KLHL1: variants seen among roughly 807,000 people sequenced by gnomAD.
KLHL1 encodes the protein kelch like family member 1, also known as kelch-like protein 1.
In KLHL1, 47 loss-of-function variants were observed where a neutral mutation model predicts 77.7. The ratio of observed to expected loss-of-function variants is 0.60; its 90% CI spans 0.48 to 0.77. KLHL1 has a LOEUF of 0.77. Among genes scored for constraint, KLHL1 ranks in the 30% least tolerant of loss-of-function variants. KLHL1 has a pLI of 0.00. For synonymous variants in KLHL1, 360 were observed against 325.2 expected (o/e 1.11, Z -1.15); for missense variants, 925 against 910.8 (o/e 1.02, Z -0.20).
At chr13:69,889,780 G>T (rs1424771927) in intron 4 of KLHL1, among the ~76,000 whole-genome samples, 1 of 151,944 alleles carries the variant, frequency 6.6e-6, no homozygotes, top group Non-Finnish European at 1.5e-5. Flanking sequence ...CCATGATAAT[G>T]CATTCTTATC....
chr13:70,087,792 C>T (rs1887582759), intron 1 of KLHL1, among the ~76,000 whole-genome samples: 1 of 152,200 alleles, frequency 6.6e-6, no homozygotes, highest in South Asian at 2.1e-4. Context: ...GTGGGAACTA[C>T]AGGACAAAAG....
intron 5 of KLHL1, among the ~76,000 whole-genome samples, chr13:69,881,961 T>C (rs1303304715): frequency 6.6e-6 from 1 of 152,164 alleles, no homozygotes; most frequent in Admixed American, 6.5e-5. Context: ...GCTTTTTACA[T>C]ATATATTATC....
intron 1 of KLHL1, among the ~76,000 whole-genome samples, chr13:70,047,138 C>G (rs903914854): frequency 1.3e-5 from 2 of 151,890 alleles, no homozygotes; most frequent in Non-Finnish European, 2.9e-5. Context: ...AATACAGGAA[C>G]AGGCTTAGGG....
chr13:69,936,582 G>A (rs372330805), intron 4 of KLHL1, among the ~76,000 whole-genome samples: 2 of 118,962 alleles, frequency 1.7e-5, no homozygotes, highest in South Asian at 2.6e-4. Context: ...GACAGAACGA[G>A]ACTCCATCTC....
intron 1 of KLHL1, among the ~76,000 whole-genome samples, chr13:70,082,266 T>C (rs1799016435): frequency 6.7e-6 from 1 of 150,192 alleles, no homozygotes; most frequent in African/African-American, 2.5e-5. Context: ...TGGAATAATA[T>C]AGTCACTCTA....
intron 4 of KLHL1, among the ~76,000 whole-genome samples, chr13:69,892,824 G>C (rs927770372): frequency 1.3e-5 from 2 of 152,134 alleles, no homozygotes; most frequent in Non-Finnish European, 2.9e-5. Context: ...CTATTTTGTA[G>C]TAAAAGACAA....
At position 70,064,767 on chromosome 13, in the gene KLHL1, C is replaced by T. The variant is rs12584420; in HGVS notation, c.497+42436G>A. Among the ~76,000 whole-genome samples the T allele has an allele frequency of 5.2e-3, 794 of 152,228 alleles. 29 individuals are homozygous for T. In the East Asian group the frequency reaches 0.083, roughly 16 times the overall value. ...ATGTGCCACAGATTTGGCTGGCGAT[C>T]CACGACTAAGGACTAAAGCAGGGTG... is the stretch of plus-strand genomic sequence containing the variant. On this transcript the variant is annotated intron_variant, in intron 1 of 10. Coordinates refer to ENST00000377844, the MANE Select transcript of KLHL1 (RefSeq NM_020866.3).
intron 4 of KLHL1, among the ~76,000 whole-genome samples, chr13:69,901,053 T>A (rs983858076): frequency 6.6e-6 from 1 of 152,224 alleles, no homozygotes; most frequent in Non-Finnish European, 1.5e-5. Context: ...ATCTAATTAT[T>A]ACCATAAACA....
intron 1 of KLHL1, among the ~76,000 whole-genome samples, chr13:70,005,011 G>A (rs149176551): frequency 1.7e-4 from 26 of 151,646 alleles, no homozygotes; most frequent in Non-Finnish European, 2.2e-4. Context: ...TAATTGTAAC[G>A]TAAGTCCTAG....
At chr13:69,981,157 G>C (rs1884691908) in intron 1 of KLHL1, among the ~76,000 whole-genome samples, 1 of 152,078 alleles carries the variant, frequency 6.6e-6, no homozygotes, top group Non-Finnish European at 1.5e-5. Context: ...TAAAATAACT[G>C]CTGTAACCAG....
chr13:70,059,048 A>T (rs1886813453), intron 1 of KLHL1, among the ~76,000 whole-genome samples: 1 of 152,194 alleles, frequency 6.6e-6, no homozygotes, highest in Non-Finnish European at 1.5e-5. Context: ...CTCACCATAT[A>T]TTAAAATAAA....
At chr13:70,034,353 C>G (rs943630740) in intron 1 of KLHL1, among the ~76,000 whole-genome samples, 1 of 152,106 alleles carries the variant, frequency 6.6e-6, no homozygotes, top group Non-Finnish European at 1.5e-5. Flanking sequence ...TTCCCTATTC[C>G]AAACTAGATT....
chr13:69,877,667 T>G (rs181459806), intron 5 of KLHL1, among the ~76,000 whole-genome samples: 1 of 152,132 alleles, frequency 6.6e-6, no homozygotes, highest in Admixed American at 6.5e-5. Flanking sequence ...TCATTTTCCC[T>G]TTTTCTCTGG....
chr13:69,942,345 T>C (rs1047050928), intron 3 of KLHL1, among the ~76,000 whole-genome samples: 5 of 152,018 alleles, frequency 3.3e-5, no homozygotes, highest in Admixed American at 1.3e-4. Context: ...AAATGTAATT[T>C]TATCTAACTC....
chr13:69,883,700 C>A (rs1881089556), intron 4 of KLHL1, among the ~76,000 whole-genome samples: 1 of 152,224 alleles, frequency 6.6e-6, no homozygotes, highest in South Asian at 2.1e-4. Context: ...AATTGATAAT[C>A]TCTGTAGAGA....
chr13:69,910,188 TA>T (rs1328634366), intron 4 of KLHL1, among the ~76,000 whole-genome samples: 1 of 152,026 alleles, frequency 6.6e-6, no homozygotes, highest in African/African-American at 2.4e-5. Context: ...ATAATTATAC[TA>T]AGTTAAAAAT....
intron 4 of KLHL1, among the ~76,000 whole-genome samples, chr13:69,926,454 G>A (rs9542117): frequency 0.37 from 55,947 of 151,768 alleles, 10,798 homozygotes; most frequent in Non-Finnish European, 0.43. Flanking sequence ...TAAGAACCTC[G>A]ATTTCCTCAT....
chr13:69,715,129 A>G (rs1876059393), intron 9 of KLHL1, among the ~76,000 whole-genome samples: 1 of 152,164 alleles, frequency 6.6e-6, no homozygotes. Flanking sequence ...CTATTGTATC[A>G]GCTAACGATT....
intron 1 of KLHL1, among the ~76,000 whole-genome samples, chr13:70,012,902 A>T (rs927967651): frequency 6.2e-5 from 2 of 32,038 alleles, no homozygotes; most frequent in Non-Finnish European, 1.7e-4. Context: ...GATTCTGTAT[A>T]AAAAAAATAA....
Sources: allele counts gnomAD v4.1 joint callset (sites outside exome capture counted in the v4.1 genomes callset), GRCh38; gene constraint gnomAD v4.1.1; transcripts MANE v1.5; gene names NCBI Gene and HGNC (gene_info 2026-07-23, HGNC 2026-07-21).